Variants in NCOR1 observed in about 807,000 individuals in gnomAD.
The protein encoded by NCOR1 is nuclear receptor corepressor 1, also known as protein phosphatase 1, regulatory subunit 109.
NCOR1 carries 63 observed loss-of-function variants against 288.1 expected under a neutral mutation model. The ratio of observed to expected loss-of-function variants is 0.22; its 90% CI spans 0.18 to 0.27. NCOR1 has a LOEUF of 0.27. NCOR1 is among the 10% of genes least tolerant of loss of function. The pLI is 1.00. For synonymous variants in NCOR1, 1,007 were observed against 1,065.9 expected, an observed-to-expected ratio of 0.94 and a Z score of 1.08; for missense variants, 2,397 against 3,019.2, an observed-to-expected ratio of 0.79 and a Z score of 4.83.
chr17:16,081,767 AAAC>A (rs2063445819), intron 23 of NCOR1, among the ~76,000 whole-genome samples: 1 of 152,252 alleles, frequency 6.6e-6, no homozygotes, highest in Admixed American at 6.5e-5. Flanking sequence ...CAGCCAGGGT[AAAC>A]AACAGGCTAA....
chr17:16,152,358 G>C (rs1403268749), intron 7 of NCOR1, among the ~76,000 whole-genome samples: 2 of 151,644 alleles, frequency 1.3e-5, no homozygotes, highest in Non-Finnish European at 2.9e-5. Flanking sequence ...CTGTGTCCAA[G>C]TGTTCTCATT....
At chr17:16,084,484 T>A (rs896504689) in intron 23 of NCOR1, 5 of 152,442 alleles carry the variant, frequency 3.3e-5, no homozygotes, top group Admixed American at 6.5e-5. Context: ...ATATAATTTA[T>A]ATGAAAATGC....
chr17:16,098,267 CTAT>C, intron 21 of NCOR1, 97 bp downstream of exon 21: 1 of 1,189,218 alleles, frequency 8.4e-7, no homozygotes, highest in Non-Finnish European at 1.2e-6. Flanking sequence ...TTTTGTACCA[CTAT>C]TTTTTTAATC....
rs1443011181 is a variant in NCOR1, at chr17:16,199,215, AAAC to A, written c.-70-4579_-70-4577del. 5.1e-4 allele frequency among the ~76,000 whole-genome samples: 59 copies of A among 116,022 alleles called. 1 individual carries two copies. In the East Asian group the frequency reaches 0.011, roughly 22 times the overall value. The allele number at this position is 116,022 out of a possible 152,430, so 76.1% of individuals were successfully genotyped here. Reference sequence around the variant, plus strand: ...GCCCAATACAGAAGGAAAAAAAAAAAAACACACACACACACACACACACACACA... The same window carrying A: ...GCCCAATACAGAAGGAAAAAAAAAAAACACACACACACACACACACACACA... On this transcript the variant is annotated intron_variant, in intron 1 of 45. Coordinates refer to ENST00000268712, the MANE Select transcript of NCOR1 (RefSeq NM_006311.4).
rs59285422 is a variant in NCOR1, at chr17:16,033,336, CA to C, written c.7136-854del. On this transcript the variant is annotated intron_variant, in intron 45 of 45. Transcript: ENST00000268712. ...GGCAACAAGAACGAAACTCCGTCTC[CA>C]AAAAAAAAAAAAAAAAAACCCAAAA... 7.6e-3 allele frequency among the ~76,000 whole-genome samples: 439 copies of C among 57,448 alleles called. 7 individuals are homozygous for C. In the East Asian group the frequency reaches 0.078, roughly 10 times the overall value. 37.7% of individuals were successfully genotyped at this position (57,448 alleles called of 152,430 possible).
At chr17:16,194,739 C>T (rs1428003723) in intron 1 of NCOR1, 100 bp from the exon 2 acceptor site, 1 of 424,980 alleles carries the variant, frequency 2.4e-6, no homozygotes, top group Non-Finnish European at 4.2e-6. Context: ...ACCACAATTA[C>T]CAGTAAAAGC....
chr17:16,109,099 T>C (rs548862646), intron 18 of NCOR1, among the ~76,000 whole-genome samples, 187 bp from the exon 19 acceptor site: 9 of 152,282 alleles, frequency 5.9e-5, no homozygotes, highest in African/African-American at 1.9e-4. Flanking sequence ...AAATTTTGTG[T>C]AGATGGCTCG....
rs768312099 is a variant in NCOR1, at chr17:16,061,441, C to T, written c.5841G>A (p.Ala1947=). Reference sequence around the variant, plus strand: ...CTGAACTTTGAGAGCCACGTTCCCTCGCATCCTTGTCCGAGGCAATTTGCC... The same window carrying T: ...CTGAACTTTGAGAGCCACGTTCCCTTGCATCCTTGTCCGAGGCAATTTGCC... ...ITRQIASDKD[A]RERGSQSSDS... is the part of the protein sequence containing the mutation. Residue 1947 remains alanine, a synonymous_variant, in exon 37 of 46, where the codon GCG becomes GCA. Transcript: ENST00000268712. 5.6e-6 allele frequency: 9 copies of T among 1,614,108 alleles called. No homozygotes were observed. The highest frequency in any genetic ancestry group is 1.3e-5 in the African/African-American group (1 of 74,936).
intron 40 of NCOR1, among the ~76,000 whole-genome samples, chr17:16,054,980 C>T (rs888250098): frequency 2.0e-5 from 3 of 152,080 alleles, no homozygotes; most frequent in Non-Finnish European, 2.9e-5. Flanking sequence ...AAATGAGACA[C>T]CATCTCACAC....
At chr17:16,098,721 G>A (rs1037979539) in intron 20 of NCOR1, 22 of 285,732 alleles carry the variant, frequency 7.7e-5, no homozygotes, top group Admixed American at 5.1e-4. Flanking sequence ...CTTCAGCAGC[G>A]CACATACTAA....
In NCOR1 at chr17:16,092,048, G is replaced by A. The variant is rs2152909766; in HGVS notation, c.2831C>T (p.Thr944Ile). Residue 944 changes from threonine to isoleucine, a missense_variant, in exon 22 of 46, where the codon ACC becomes ATC. Physicochemically the swap from Thr to Ile is moderately conservative, Grantham distance 89 (BLOSUM62 -1). Around this residue, in one of 11 missense-constraint regions of NCOR1, gnomAD observed 1,872 missense variants for 2,187.8 expected, o/e 0.86. Transcript: ENST00000268712. The stretch of plus-strand genomic sequence containing the variant: ...GGTTCCAATTGGTATGTTACATGGG[G>A]TGCAGGATACCTATAGGAAGAAAAT... ...AAVIPPMVSCTPCNIPIGTPV... is the reference protein window; with the variant it reads ...AAVIPPMVSCIPCNIPIGTPV... The A allele has an allele frequency of 6.2e-7, 1 of 1,613,866 alleles. No homozygotes were observed. Among genetic ancestry groups the A allele is most frequent in the South Asian group, 1.1e-5 (1 of 91,080 alleles).
At chr17:16,096,706 A>G (rs1013804168) in intron 21 of NCOR1, among the ~76,000 whole-genome samples, 1 of 152,208 alleles carries the variant, frequency 6.6e-6, no homozygotes, top group African/African-American at 2.4e-5. Context: ...ACCTTTGGTT[A>G]TCTCAAAGAG....
intron 25 of NCOR1, 68 bp downstream of exon 25, chr17:16,080,340 T>C: frequency 1.6e-6 from 2 of 1,269,168 alleles, no homozygotes; most frequent in Non-Finnish European, 2.2e-6. Context: ...TAAAATATAT[T>C]AATAACTTAC....
Position 16,151,935 on chromosome 17 carries a change from T to A in NCOR1, c.842+11A>T. ...TTTAATTGAAGAACTCCAAAGATGA[T>A]CAATACTTACGTCTTGATGTTCTCA... On this transcript the variant is annotated intron_variant, in intron 8 of 45. Transcript: ENST00000268712. The A allele has an allele frequency of 6.3e-7, 1 of 1,588,544 alleles. No individual in the cohort carries two copies. Among genetic ancestry groups the A allele is most frequent in the South Asian group, 1.1e-5 (1 of 87,638 alleles).
chr17:16,092,780 C>T (rs1157247810), intron 21 of NCOR1, among the ~76,000 whole-genome samples: 5 of 144,446 alleles, frequency 3.5e-5, no homozygotes, highest in Non-Finnish European at 6.0e-5. Flanking sequence ...CTCGCTGCAA[C>T]GTCCACCTCC....
chr17:16,152,268 T>TA lies in NCOR1; in HGVS notation c.790-271dup, dbSNP rs201731396. ...TTGCTGCACCAATTAACTCATCACT[T>TA]ACATTACGTATTTCTCCTAATGCTA... is the stretch of plus-strand genomic sequence containing the variant. On this transcript the variant is annotated intron_variant, in intron 7 of 45. Coordinates refer to ENST00000268712, the MANE Select transcript of NCOR1 (RefSeq NM_006311.4). 7.3e-3 allele frequency among the ~76,000 whole-genome samples: 1,111 copies of TA among 152,306 alleles called. 6 individuals are homozygous for TA. Among genetic ancestry groups the TA allele is most frequent in the Non-Finnish European group, 0.012 (795 of 68,012 alleles).
At chr17:16,046,905 A>G in intron 42 of NCOR1, 46 bp downstream of exon 42, 2 of 1,604,590 alleles carry the variant, frequency 1.2e-6, no homozygotes, top group South Asian at 1.1e-5. Flanking sequence ...AGATATCATT[A>G]TTAATGCATG....
intron 40 of NCOR1, among the ~76,000 whole-genome samples, chr17:16,051,090 T>G (rs2059258459): frequency 6.6e-6 from 1 of 152,324 alleles, no homozygotes; most frequent in African/African-American, 2.4e-5. Flanking sequence ...CCTCTCGCCT[T>G]GGTCTCCCAA....
At chr17:16,199,219 ACACACAC>A (rs1568640737) in intron 1 of NCOR1, among the ~76,000 whole-genome samples, 2,400 of 66,542 alleles carry the variant, frequency 0.036, 76 homozygotes, top group African/African-American at 0.097. Context: ...AAAAAAAAAC[ACACACAC>A]ACACACACAC....
Sources: gnomAD v4.1 joint callset for allele counts (sites outside exome capture counted in the v4.1 genomes callset) on GRCh38, gnomAD v4.1.1 for gene constraint, gnomAD v4.1.1 regional missense constraint, MANE v1.5 for transcripts, NCBI Gene and HGNC (gene_info 2026-07-23, HGNC 2026-07-21) for gene names.